Variants in ISM1 observed in about 807,000 individuals in gnomAD.
The protein encoded by ISM1 is isthmin 1.
A neutral mutation model predicts 46.3 loss-of-function variants in ISM1; 25 were observed. The observed-to-expected ratio is 0.54, with a 90% CI of 0.39 to 0.75. The LOEUF is 0.75. ISM1 is among the 30% of genes least tolerant of loss of function. The probability of loss-of-function intolerance (pLI) is 0.00; values close to 1 mark genes in which losing one functional copy is unlikely to be tolerated. For synonymous variants in ISM1, 255 were observed against 256.7 expected (o/e 0.99, Z 0.06); for missense variants, 536 against 625.4 (o/e 0.86, Z 1.52).
At chr20:13,249,882 C>T (rs61464831) in intron 1 of ISM1, among the ~76,000 whole-genome samples, 16,347 of 152,112 alleles carry the variant, frequency 0.11, 1,043 homozygotes, top group African/African-American at 0.16. Flanking sequence ...CCTTTCTGCA[C>T]TCTCTTTTCC....
At chr20:13,268,705 G>A (rs2040076357) in intron 1 of ISM1, among the ~76,000 whole-genome samples, 1 of 152,152 alleles carries the variant, frequency 6.6e-6, no homozygotes, top group African/African-American at 2.4e-5. Flanking sequence ...GGCGGTCTCT[G>A]AACCAGTGAG....
At chr20:13,233,420 A>C (rs1395697709) in intron 1 of ISM1, among the ~76,000 whole-genome samples, 1 of 151,682 alleles carries the variant, frequency 6.6e-6, no homozygotes, top group Non-Finnish European at 1.5e-5. Flanking sequence ...ACATGGAGAA[A>C]CCCCATCTCT....
At chr20:13,314,681 T>TA in the ISM1 span, among the ~76,000 whole-genome samples, 10 of 152,196 alleles carry the variant, frequency 6.6e-5, no homozygotes, top group African/African-American at 2.2e-4. Flanking sequence ...CAGATCTTCA[T>TA]AAAAAAGGAG....
chr20:13,268,491 G>GTGCCAGGA (rs2040074267), intron 1 of ISM1, among the ~76,000 whole-genome samples: 2 of 151,942 alleles, frequency 1.3e-5, no homozygotes, highest in African/African-American at 4.8e-5. Flanking sequence ...CTACCAGGAT[G>GTGCCAGGA]TGCCAGGAGA....
At chr20:13,306,256 A>C in the ISM1 span, among the ~76,000 whole-genome samples, 1 of 152,360 alleles carries the variant, frequency 6.6e-6, no homozygotes, top group East Asian at 1.9e-4. Flanking sequence ...CTTTTAAAAA[A>C]GAAAAAGGAA....
the ISM1 span, among the ~76,000 whole-genome samples, chr20:13,307,396 A>T: frequency 6.6e-6 from 1 of 152,184 alleles, no homozygotes; most frequent in Admixed American, 6.5e-5. Flanking sequence ...CCATACCAAC[A>T]CCAAGAAAAA....
chr20:13,227,146 G>A (rs2039534815), intron 1 of ISM1, among the ~76,000 whole-genome samples: 1 of 151,912 alleles, frequency 6.6e-6, no homozygotes, highest in Non-Finnish European at 1.5e-5. Flanking sequence ...ATTTGTTTGG[G>A]TGTCTTTTCC....
intron 1 of ISM1, among the ~76,000 whole-genome samples, chr20:13,250,900 C>T (rs1284475745): frequency 6.6e-6 from 1 of 152,146 alleles, no homozygotes; most frequent in Non-Finnish European, 1.5e-5. Flanking sequence ...TTCTAGGTCT[C>T]CTTTGCCCCC....
chr20:13,259,992 G>A (rs1157855096), intron 1 of ISM1, among the ~76,000 whole-genome samples: 2 of 152,214 alleles, frequency 1.3e-5, no homozygotes, highest in Non-Finnish European at 2.9e-5. Flanking sequence ...ATGAATCCAT[G>A]AATAGAGCTA....
chr20:13,266,978 C>A (rs564155697), intron 1 of ISM1, among the ~76,000 whole-genome samples: 3 of 152,154 alleles, frequency 2.0e-5, no homozygotes, highest in Non-Finnish European at 4.4e-5. Flanking sequence ...GAAAGGTTTT[C>A]TTCTGCATTA....
intron 5 of ISM1, 134 bp from the exon 6 acceptor site, chr20:13,298,808 G>A (rs982066969): frequency 2.5e-6 from 2 of 802,166 alleles, no homozygotes; most frequent in Non-Finnish European, 3.9e-6. Flanking sequence ...AGGAGTTGTT[G>A]ACTTCAGGGA....
chr20:13,225,059 T>A (rs971042019), intron 1 of ISM1, among the ~76,000 whole-genome samples: 1 of 151,350 alleles, frequency 6.6e-6, no homozygotes, highest in Non-Finnish European at 1.5e-5. Flanking sequence ...TTCACCGTGT[T>A]AGCCAGGATG....
At chr20:13,252,526 G>A (rs1427403278) in intron 1 of ISM1, among the ~76,000 whole-genome samples, 1 of 152,072 alleles carries the variant, frequency 6.6e-6, no homozygotes, top group Non-Finnish European at 1.5e-5. Flanking sequence ...CAAGGCAGGC[G>A]GATCATTTGA....
At chr20:13,283,462 C>T (rs1433424011) in intron 3 of ISM1, among the ~76,000 whole-genome samples, 2 of 151,942 alleles carry the variant, frequency 1.3e-5, no homozygotes, top group Admixed American at 6.6e-5. Context: ...TATATTTGTC[C>T]GCAAGGATTA....
At chr20:13,245,674 C>T (rs902479354) in intron 1 of ISM1, among the ~76,000 whole-genome samples, 1 of 152,174 alleles carries the variant, frequency 6.6e-6, no homozygotes, top group African/African-American at 2.4e-5. Context: ...TCCAGATTTC[C>T]TTAATTCCTT....
chr20:13,325,614 G>T, the ISM1 span, among the ~76,000 whole-genome samples: 1 of 152,164 alleles, frequency 6.6e-6, no homozygotes, highest in Non-Finnish European at 1.5e-5. Context: ...GTTCCCTTCG[G>T]AAGACGAAAT....
intron 1 of ISM1, among the ~76,000 whole-genome samples, chr20:13,234,600 G>A (rs1380215768): frequency 6.6e-6 from 1 of 152,202 alleles, no homozygotes; most frequent in African/African-American, 2.4e-5. Context: ...TTTTAGCCAT[G>A]TCCTCGCCAA....
At chr20:13,270,867 A>G (rs1212357060) in intron 2 of ISM1, 124 bp downstream of exon 2, 1 of 867,512 alleles carries the variant, frequency 1.2e-6, no homozygotes, top group Non-Finnish European at 1.8e-6. Flanking sequence ...ATTCCTGCTT[A>G]AGATCATGTT....
intron 1 of ISM1, among the ~76,000 whole-genome samples, chr20:13,268,347 CCTCTCTCTCTCTCTCT>C (rs3041816): frequency 0.084 from 5,619 of 66,542 alleles, 349 homozygotes; most frequent in Non-Finnish European, 0.11. Context: ...CCTTCTTCTT[CCTCTCTCTCTCTCTCT>C]CTCTCTCTCT....
Sources: allele counts gnomAD v4.1 joint callset (sites outside exome capture counted in the v4.1 genomes callset), GRCh38; gene constraint gnomAD v4.1.1; transcripts MANE v1.5; gene names NCBI Gene and HGNC (gene_info 2026-07-23, HGNC 2026-07-21).